Variants in TYW1B observed in about 807,000 individuals in gnomAD.
The protein encoded by TYW1B is tRNA-yW synthesizing protein 1 homolog B.
In TYW1B, 73 loss-of-function variants were observed where a neutral mutation model predicts 86.9. That is an observed-to-expected ratio of 0.84 (90% CI 0.70 to 1.02). The LOEUF is 1.02. TYW1B is among the 50% of genes least tolerant of loss of function. The pLI, the probability that TYW1B is intolerant of heterozygous loss-of-function variation, is 0.00. For missense variants in TYW1B, 637 were observed against 827.4 expected (o/e 0.77, Z 2.82); for synonymous variants, 248 against 292.8 (o/e 0.85, Z 1.56).
Position 72,575,070 on chromosome 7 carries a change from C to G in TYW1B, c.*428G>C. 9.9e-7 allele frequency: 1 copy of G among 1,014,706 alleles called. No homozygotes were observed. The highest frequency in any genetic ancestry group is 1.2e-6 in the Non-Finnish European group (1 of 847,488). 62.9% of individuals were successfully genotyped at this position (1,014,706 alleles called of 1,614,324 possible). A position where few individuals can be genotyped will look rare whatever the true frequency, so the allele number is the denominator to read the frequency against. ...TTAGAAAGCACAGACACGTTTAGCT[C>G]AGGGTAGTGCAATTCAATGCTAAGT... On this transcript the variant is annotated 3_prime_UTR_variant, in exon 14 of 14. Coordinates refer to ENST00000620995, the MANE Select transcript of TYW1B (RefSeq NM_001145440.3).
intron 6 of TYW1B, among the ~76,000 whole-genome samples, chr7:72,782,749 G>A (rs1788069838): frequency 6.6e-6 from 1 of 152,022 alleles, no homozygotes; most frequent in Admixed American, 6.6e-5. Context: ...TGGTGGCAAA[G>A]GCCTATAATT....
chr7:72,745,002 GA>G (rs1363771858), intron 7 of TYW1B, among the ~76,000 whole-genome samples: 12 of 152,284 alleles, frequency 7.9e-5, no homozygotes, highest in African/African-American at 2.6e-4. Flanking sequence ...ATGGGTAAGG[GA>G]ATGCATCCTG....
intron 2 of TYW1B, among the ~76,000 whole-genome samples, chr7:72,820,136 G>A (rs1337383302): frequency 6.6e-6 from 1 of 152,078 alleles, no homozygotes; most frequent in African/African-American, 2.4e-5. Flanking sequence ...TTAGCCAGGT[G>A]TGGTGGCGCA....
At chr7:72,691,252 C>A (rs1168139362) in intron 11 of TYW1B, among the ~76,000 whole-genome samples, 5 of 152,216 alleles carry the variant, frequency 3.3e-5, no homozygotes, top group African/African-American at 1.2e-4. Context: ...CACACATCTT[C>A]TCTCACAAGG....
intron 7 of TYW1B, among the ~76,000 whole-genome samples, chr7:72,768,370 C>T (rs73145232): frequency 6.6e-6 from 1 of 152,252 alleles, no homozygotes; most frequent in Non-Finnish European, 1.5e-5. Context: ...TCTAGGAATA[C>T]AGACATTGAA....
chr7:72,763,157 T>TA (rs1240487655), intron 7 of TYW1B, among the ~76,000 whole-genome samples: 155 of 148,292 alleles, frequency 1.0e-3, no homozygotes, highest in Non-Finnish European at 1.6e-3. Flanking sequence ...AACTGGCCTT[T>TA]AAAAAAAAAA....
intron 9 of TYW1B, among the ~76,000 whole-genome samples, chr7:72,716,965 G>A (rs1554456240): frequency 1.3e-5 from 2 of 151,318 alleles, no homozygotes; most frequent in Non-Finnish European, 2.9e-5. Flanking sequence ...GGGCAGTCCA[G>A]TGGCAGTGGG....
intron 11 of TYW1B, among the ~76,000 whole-genome samples, chr7:72,686,148 G>T (rs1434444009): frequency 3.9e-5 from 6 of 152,150 alleles, no homozygotes; most frequent in Non-Finnish European, 8.8e-5. Flanking sequence ...AAGACAGTTT[G>T]GCAGTTTCTT....
chr7:72,731,601 T>C (rs1424518107), intron 8 of TYW1B, among the ~76,000 whole-genome samples: 3 of 151,940 alleles, frequency 2.0e-5, no homozygotes, highest in Non-Finnish European at 4.4e-5. Flanking sequence ...TGTAAAGATA[T>C]ACACAGACTG....
rs536381975 is a variant in TYW1B, at chr7:72,579,945, C to A, written c.1786-4226G>T. On this transcript the variant is annotated intron_variant, in intron 13 of 13. Transcript: ENST00000620995. ...GGATCATAGGCATGAGCCACCGCAC[C>A]CAGCCCTGATGTCTCTTCTTACAAA... is the stretch of plus-strand genomic sequence containing the variant. Among the ~76,000 whole-genome samples the A allele has an allele frequency of 6.3e-4, 96 of 152,288 alleles. 1 individual carries two copies. Among genetic ancestry groups the A allele is most frequent in the African/African-American group, 2.3e-3 (94 of 41,550 alleles).
chr7:72,613,934 C>A (rs1812000139), intron 13 of TYW1B, among the ~76,000 whole-genome samples: 1 of 137,090 alleles, frequency 7.3e-6, no homozygotes, highest in East Asian at 2.2e-4. Flanking sequence ...ACATTTAGGG[C>A]AAAGGACCAT....
At chr7:72,616,006 G>A (rs572982411) in intron 13 of TYW1B, among the ~76,000 whole-genome samples, 29 of 152,228 alleles carry the variant, frequency 1.9e-4, no homozygotes, top group African/African-American at 5.8e-4. Flanking sequence ...TGGAGTCCTA[G>A]AGGAGAACAT....
rs181160822 is a variant in TYW1B, at chr7:72,766,343, C to T, written c.964+11073G>A. On this transcript the variant is annotated intron_variant, in intron 7 of 13. Coordinates refer to ENST00000620995, the MANE Select transcript of TYW1B (RefSeq NM_001145440.3). ...TTAAACTTTGAATCTGGGCCAGGCG[C>T]GGTGGCTCACGCCTATAATCCCACC... is the stretch of plus-strand genomic sequence containing the variant. Among the ~76,000 whole-genome samples the T allele has an allele frequency of 2.4e-4, 36 of 152,338 alleles. 1 individual carries two copies. The highest frequency in any genetic ancestry group is 8.2e-4 in the African/African-American group (34 of 41,586).
chr7:72,597,163 A>G (rs1263844082), intron 13 of TYW1B, among the ~76,000 whole-genome samples: 1 of 152,044 alleles, frequency 6.6e-6, no homozygotes, highest in Non-Finnish European at 1.5e-5. Flanking sequence ...AATTCAAATC[A>G]AAATAATGAA....
Position 72,617,754 on chromosome 7 carries a change from C to T in TYW1B, c.1618-915G>A, listed in dbSNP as rs146697388. Among the ~76,000 whole-genome samples, 501 of 152,284 alleles carry T rather than the reference C, an allele frequency of 3.3e-3. 2 individuals are homozygous for T. The highest frequency in any genetic ancestry group is 5.1e-3 in the Non-Finnish European group (350 of 68,022). On this transcript the variant is annotated intron_variant, in intron 12 of 13. Transcript: ENST00000620995. Reference sequence around the variant, plus strand: ...ATGCCAAAAGGGAAATATATTTGTGCATGTACCTACATACCTTTACACACA... The same window carrying T: ...ATGCCAAAAGGGAAATATATTTGTGTATGTACCTACATACCTTTACACACA...
At chr7:72,764,908 G>C (rs1255155252) in intron 7 of TYW1B, among the ~76,000 whole-genome samples, 1 of 152,114 alleles carries the variant, frequency 6.6e-6, no homozygotes, top group Non-Finnish European at 1.5e-5. Context: ...ATTTGGTAAA[G>C]TATACTTTTG....
At chr7:72,755,904 G>A (rs1203217321) in intron 7 of TYW1B, among the ~76,000 whole-genome samples, 1 of 152,186 alleles carries the variant, frequency 6.6e-6, no homozygotes, top group Non-Finnish European at 1.5e-5. Context: ...GGTAAATGAA[G>A]TATCAAGCAA....
At position 72,578,114 on chromosome 7, in the gene TYW1B, A is replaced by ATTT. The variant is rs11428029; in HGVS notation, c.1786-2398_1786-2396dup. Among the ~76,000 whole-genome samples the ATTT allele has an allele frequency of 1.5e-4, 20 of 129,174 alleles. No individual in the cohort carries two copies. In the East Asian group the frequency reaches 1.6e-3, roughly 10 times the overall value. 84.7% of individuals were successfully genotyped at this position (129,174 alleles called of 152,430 possible). A position where few individuals can be genotyped will look rare whatever the true frequency, so the allele number is the denominator to read the frequency against. ...GAGGGCCCAGCCTCTCTTCCTCACCATTTTTTTTTTTTTTTTTGAGACGGA... is the reference window on the plus strand; with the variant it reads ...GAGGGCCCAGCCTCTCTTCCTCACCATTTTTTTTTTTTTTTTTTTTGAGACGGA... On this transcript the variant is annotated intron_variant, in intron 13 of 13. Transcript: ENST00000620995.
chr7:72,765,325 C>T (rs1787752169), intron 7 of TYW1B, among the ~76,000 whole-genome samples: 1 of 152,170 alleles, frequency 6.6e-6, no homozygotes, highest in Admixed American at 6.6e-5. Context: ...TATACCTATT[C>T]TTATTACAGA....
Sources: gnomAD v4.1 joint callset for allele counts (sites outside exome capture counted in the v4.1 genomes callset) on GRCh38, gnomAD v4.1.1 for gene constraint, MANE v1.5 for transcripts, NCBI Gene and HGNC (gene_info 2026-07-23, HGNC 2026-07-21) for gene names.